HMCN1: variants seen among roughly 807,000 people sequenced by gnomAD.
The protein encoded by HMCN1 is hemicentin-1.
Under a neutral mutation model 625.9 loss-of-function variants are expected in HMCN1, and 321 were observed. That is an observed-to-expected ratio of 0.51 (90% CI 0.47 to 0.56). The LOEUF (loss-of-function observed/expected upper bound fraction) is 0.56. Ranked by LOEUF, HMCN1 falls within the 20% of genes least tolerant of loss-of-function variation. HMCN1 has a pLI of 0.00. For missense variants in HMCN1, 6,588 were observed against 6,887.3 expected, an observed-to-expected ratio of 0.96 and a Z score of 1.54; for synonymous variants, 2,425 against 2,417.6, an observed-to-expected ratio of 1.00 and a Z score of -0.09.
chr1:185,938,748 C>T (rs1016501099), intron 11 of HMCN1, among the ~76,000 whole-genome samples: 6 of 152,050 alleles, frequency 3.9e-5, no homozygotes, highest in East Asian at 1.9e-4. Context: ...GTGTTCTCAG[C>T]GGTCTAGCCA....
At chr1:185,892,906 C>T (rs550086528) in intron 4 of HMCN1, among the ~76,000 whole-genome samples, 1 of 152,310 alleles carries the variant, frequency 6.6e-6, no homozygotes, top group East Asian at 1.9e-4. Context: ...GCCCCTCCCC[C>T]AGCCTCGCTG....
At chr1:186,000,313 G>C in intron 26 of HMCN1, 74 bp downstream of exon 26, 1 of 1,078,056 alleles carries the variant, frequency 9.3e-7, no homozygotes, top group East Asian at 2.5e-5. Flanking sequence ...TATTCTCTCA[G>C]TGTAATATCA....
At chr1:186,152,135 A>T (rs1366609455) in intron 95 of HMCN1, among the ~76,000 whole-genome samples, 2 of 152,224 alleles carry the variant, frequency 1.3e-5, no homozygotes, top group African/African-American at 4.8e-5. Flanking sequence ...TATGAAAAAG[A>T]TAGAAACAAA....
At chr1:186,064,380 T>A (rs1657971190) in intron 48 of HMCN1, among the ~76,000 whole-genome samples, 1 of 152,152 alleles carries the variant, frequency 6.6e-6, no homozygotes, top group Non-Finnish European at 1.5e-5. Flanking sequence ...TATTTTTATC[T>A]CTATTGATCA....
chr1:186,088,643 A>G lies in HMCN1; in HGVS notation c.9615A>G (p.Gly3205=). The change falls in exon 63 of 107, where the codon GGA becomes GGG. Residue 3205 remains glycine, a synonymous_variant. Transcript: ENST00000271588. ...CACTGGAAGTTCGTATTTTGTCTGG[A>G]GGTAGCAAACTCCAGATTGCCCGGT... ...SDSLEVRILS[G]GSKLQIARSQ... 1 of 1,612,018 alleles carries G rather than the reference A, an allele frequency of 6.2e-7. No homozygotes were observed. Among genetic ancestry groups the G allele is most frequent in the Non-Finnish European group, 8.5e-7 (1 of 1,178,820 alleles).
intron 97 of HMCN1, among the ~76,000 whole-genome samples, chr1:186,163,403 C>T (rs570800229): frequency 1.2e-3 from 176 of 152,146 alleles, no homozygotes; most frequent in African/African-American, 4.0e-3. Flanking sequence ...ACGCACGGTG[C>T]GCTGCACCCA....
At chr1:185,830,792 G>A (rs1376675655) in intron 1 of HMCN1, among the ~76,000 whole-genome samples, 1 of 152,102 alleles carries the variant, frequency 6.6e-6, no homozygotes, top group Non-Finnish European at 1.5e-5. Context: ...GGAGGCTGAG[G>A]TGGAAGGATC....
chr1:186,103,175 T>C (rs141824874), intron 68 of HMCN1, among the ~76,000 whole-genome samples: 175 of 152,248 alleles, frequency 1.1e-3, no homozygotes, highest in African/African-American at 4.0e-3. Context: ...GTTTTTATTG[T>C]TTTCAAATCT....
rs185375219 is a variant in HMCN1 at position 185,916,370 on chromosome 1, T to C, written c.900+4590T>C. 3.3e-5 allele frequency among the ~76,000 whole-genome samples: 5 copies of C among 152,258 alleles called. No homozygotes were observed. The East Asian group carries it at 9.6e-4, about 29-fold the overall frequency. On this transcript the variant is annotated intron_variant, in intron 6 of 106. Transcript: ENST00000271588. Reference sequence around the variant, plus strand: ...TCTTTTTGTTCATGGAGAAATTACTTAACCTCTCTAAGTCTGAGGAAAGTG... The same window carrying C: ...TCTTTTTGTTCATGGAGAAATTACTCAACCTCTCTAAGTCTGAGGAAAGTG...
At chr1:186,135,042 G>A (rs770726791) in intron 86 of HMCN1, among the ~76,000 whole-genome samples, 24 of 152,206 alleles carry the variant, frequency 1.6e-4, no homozygotes, top group Middle Eastern at 3.4e-3. Context: ...CTCTCCAAGT[G>A]TTCTCCCCTC....
chr1:186,010,871 ATTGT>A (rs536588740), intron 30 of HMCN1, among the ~76,000 whole-genome samples: 43 of 152,306 alleles, frequency 2.8e-4, no homozygotes, highest in African/African-American at 7.0e-4. Context: ...TTTCTACAAA[ATTGT>A]TTGTTTGTGA....
intron 68 of HMCN1, among the ~76,000 whole-genome samples, chr1:186,095,726 A>C (rs61831302): frequency 0.19 from 28,900 of 152,060 alleles, 3,070 homozygotes; most frequent in East Asian, 0.31. Context: ...ATCTCTCTGA[A>C]AAGATGAAAA....
chr1:186,041,198 G>C (rs1656183821), intron 40 of HMCN1, 62 bp downstream of exon 40: 1 of 1,446,030 alleles, frequency 6.9e-7, no homozygotes, highest in Admixed American at 1.7e-5. Flanking sequence ...TAAAATCATT[G>C]AGAAAGTTAA....
At chr1:185,978,970 C>T (rs183655073) in intron 16 of HMCN1, among the ~76,000 whole-genome samples, 179 of 152,264 alleles carry the variant, frequency 1.2e-3, no homozygotes, top group African/African-American at 4.1e-3. Flanking sequence ...CGTGAACCAC[C>T]ATGTCTGGCC....
At chr1:186,039,036 G>T in intron 38 of HMCN1, 31 bp downstream of exon 38, 1 of 1,438,850 alleles carries the variant, frequency 6.9e-7, no homozygotes, top group South Asian at 1.1e-5. Flanking sequence ...ATTCATTCTG[G>T]GGTAAAGAAG....
chr1:185,977,168 C>T (rs1651274663), intron 15 of HMCN1, among the ~76,000 whole-genome samples: 1 of 152,036 alleles, frequency 6.6e-6, no homozygotes, highest in Admixed American at 6.6e-5. Flanking sequence ...TAAACTCTTC[C>T]TATTCTCTTT....
chr1:185,842,385 G>C (rs1026641367), intron 1 of HMCN1, among the ~76,000 whole-genome samples: 2 of 151,980 alleles, frequency 1.3e-5, no homozygotes, highest in Non-Finnish European at 2.9e-5. Context: ...AACATAGTGA[G>C]ACCCTGTCTC....
intron 36 of HMCN1, among the ~76,000 whole-genome samples, chr1:186,028,370 A>G (rs989511071): frequency 6.6e-6 from 1 of 152,204 alleles, no homozygotes; most frequent in African/African-American, 2.4e-5. Flanking sequence ...ATCTAGAACA[A>G]TGTTCTCCCA....
At chr1:185,971,336 G>T (rs975033596) in intron 15 of HMCN1, among the ~76,000 whole-genome samples, 2 of 152,190 alleles carry the variant, frequency 1.3e-5, no homozygotes, top group Non-Finnish European at 1.5e-5. Context: ...ATAAAATGAA[G>T]ATACAGTGTA....
Sources: allele counts gnomAD v4.1 joint callset (sites outside exome capture counted in the v4.1 genomes callset), GRCh38; gene constraint gnomAD v4.1.1; transcripts MANE v1.5; gene names NCBI Gene and HGNC (gene_info 2026-07-23, HGNC 2026-07-21).